The following RETREG1 variants were observed in gnomAD, a reference collection of about 807,000 sequenced individuals.
The protein encoded by RETREG1 is reticulophagy regulator 1.
Under a neutral mutation model 54.8 loss-of-function variants are expected in RETREG1, and 44 were observed. The ratio of observed to expected loss-of-function variants is 0.80; its 90% CI spans 0.63 to 1.03. RETREG1 has a LOEUF of 1.03. RETREG1 is among the 50% of genes least tolerant of loss of function. The pLI is 0.00. For synonymous variants in RETREG1, 217 were observed against 238.5 expected (o/e 0.91, Z 0.83); for missense variants, 554 against 605.1 (o/e 0.92, Z 0.89).
At chr5:16,493,894 GA>G (rs2126537948) in intron 3 of RETREG1, among the ~76,000 whole-genome samples, 1 of 152,298 alleles carries the variant, frequency 6.6e-6, no homozygotes, top group Non-Finnish European at 1.5e-5. Context: ...CTTTTATTAT[GA>G]AGGCCAATTC....
chr5:16,540,844 C>A (rs1741218912), intron 3 of RETREG1, among the ~76,000 whole-genome samples: 1 of 152,188 alleles, frequency 6.6e-6, no homozygotes, highest in African/African-American at 2.4e-5. Context: ...TTCTCCCATG[C>A]ATCTTTTCCA....
chr5:16,511,430 G>T (rs1347373815), intron 3 of RETREG1, among the ~76,000 whole-genome samples: 1 of 152,158 alleles, frequency 6.6e-6, no homozygotes, highest in Non-Finnish European at 1.5e-5. Context: ...TGTTCAGTAG[G>T]CTAGATGGAT....
chr5:16,593,350 G>A lies in RETREG1; in HGVS notation c.321-21248C>T, dbSNP rs1236706198. On this transcript the variant is annotated intron_variant, in intron 1 of 8. Transcript: ENST00000306320. This position sits in a 1 kb window ranked among gnomAD's most constrained non-coding sequence, Gnocchi z 4.9. ...CCATACTACAAGCTCTGTGAGAGAAGGGACCATCTCTCCTGTTCACCACTG... is the reference window on the plus strand; with the variant it reads ...CCATACTACAAGCTCTGTGAGAGAAAGGACCATCTCTCCTGTTCACCACTG... 6.6e-6 allele frequency among the ~76,000 whole-genome samples: 1 copy of A among 152,168 alleles called. No individual in the cohort carries two copies. Among genetic ancestry groups the A allele is most frequent in the East Asian group, 1.9e-4 (1 of 5,184 alleles).
chr5:16,524,400 A>G (rs1189129378), intron 3 of RETREG1, among the ~76,000 whole-genome samples: 1 of 152,170 alleles, frequency 6.6e-6, no homozygotes, highest in African/African-American at 2.4e-5. Context: ...GTGTGCCACT[A>G]GTCCTTACCT....
intron 3 of RETREG1, among the ~76,000 whole-genome samples, chr5:16,542,933 C>A (rs2126608425): frequency 6.6e-6 from 1 of 152,320 alleles, no homozygotes; most frequent in East Asian, 1.9e-4. Context: ...CCAAAATCAA[C>A]ATAATCAATA....
Position 16,481,020 on chromosome 5 carries a change from C to T in RETREG1, c.659G>A (p.Ser220Asn). The T allele has an allele frequency of 6.2e-7, 1 of 1,609,806 alleles. No individual in the cohort carries two copies. The highest frequency in any genetic ancestry group is 8.5e-7 in the Non-Finnish European group (1 of 1,176,570). ...LGSYIPGVILSYLLLLCAFLC... is the reference protein window; with the variant it reads ...LGSYIPGVILNYLLLLCAFLC... ...TCTACTATACTTACACAGTAGATAG[C>T]TGAGTATAACCCCAGGAATGTAACT... The change falls in exon 5 of 9, where the codon AGC (serine) becomes AAC (asparagine). Residue 220 changes from serine (S) to asparagine (N), a missense_variant. This residue lies in a region of RETREG1 where 347 missense variants were observed against 412.3 expected (regional missense o/e 0.84). Transcript: ENST00000306320.
At chr5:16,483,296 T>C (rs1264404651) in intron 4 of RETREG1, 50 bp downstream of exon 4, 2 of 1,605,772 alleles carry the variant, frequency 1.2e-6, no homozygotes, top group Admixed American at 1.7e-5. Context: ...GTTCATTTGT[T>C]TCCAAGTAAC....
rs541871396 is a variant in RETREG1, at chr5:16,545,159, G to A, written c.458+20604C>T. On this transcript the variant is annotated intron_variant, in intron 3 of 8. Coordinates refer to ENST00000306320, the MANE Select transcript of RETREG1 (RefSeq NM_001034850.3). The stretch of plus-strand genomic sequence containing the variant: ...TGTGAATCAGGGCTACTTCCAGCTC[G>A]GGTTCCCCTACAAGCTCTTCCAGCT... Among the ~76,000 whole-genome samples the A allele has an allele frequency of 5.3e-5, 8 of 152,206 alleles. No individual in the cohort carries two copies. The South Asian group carries it at 1.7e-3, about 32-fold the overall frequency.
intron 3 of RETREG1, among the ~76,000 whole-genome samples, chr5:16,537,318 G>A (rs1741101945): frequency 6.6e-6 from 1 of 152,180 alleles, no homozygotes; most frequent in Admixed American, 6.5e-5. Flanking sequence ...CAGGCGTGAG[G>A]CTCAGAGCCG....
intron 3 of RETREG1, among the ~76,000 whole-genome samples, chr5:16,548,955 CA>C (rs967427954): frequency 6.6e-6 from 1 of 152,214 alleles, no homozygotes; most frequent in African/African-American, 2.4e-5. Context: ...AGAGGCCATG[CA>C]AAATCTAGGT....
chr5:16,611,265 G>A (rs953220536), intron 1 of RETREG1, among the ~76,000 whole-genome samples: 5 of 152,172 alleles, frequency 3.3e-5, no homozygotes, highest in African/African-American at 1.2e-4. Context: ...GGGGTCGGGG[G>A]AGTGGGGAGG....
At chr5:16,608,489 A>G (rs530478200) in intron 1 of RETREG1, among the ~76,000 whole-genome samples, 1 of 152,204 alleles carries the variant, frequency 6.6e-6, no homozygotes, top group Admixed American at 6.5e-5. Flanking sequence ...AAATCTCACA[A>G]GACTTTCATC....
chr5:16,534,191 T>C lies in RETREG1; in HGVS notation c.458+31572A>G, dbSNP rs190650471. On this transcript the variant is annotated intron_variant, in intron 3 of 8. Transcript: ENST00000306320. ...TTGGCCGGGCATGGTGGCTCACACCTGTAATCCCAGCATTTTGGGAGGCCA... is the reference window on the plus strand; with the variant it reads ...TTGGCCGGGCATGGTGGCTCACACCCGTAATCCCAGCATTTTGGGAGGCCA... Among the ~76,000 whole-genome samples, 3 of 152,266 alleles carry C rather than the reference T, an allele frequency of 2.0e-5. No homozygotes were observed. The East Asian group carries it at 5.8e-4, about 29-fold the overall frequency.
At chr5:16,554,449 A>C (rs1221474260) in intron 3 of RETREG1, among the ~76,000 whole-genome samples, 1 of 151,922 alleles carries the variant, frequency 6.6e-6, no homozygotes, top group Non-Finnish European at 1.5e-5. Context: ...GCTGGTTGTC[A>C]CCTCCCCACA....
At chr5:16,531,643 GT>G (rs1740920579) in intron 3 of RETREG1, among the ~76,000 whole-genome samples, 2 of 151,960 alleles carry the variant, frequency 1.3e-5, no homozygotes, top group Non-Finnish European at 2.9e-5. Context: ...GGGTGCCTCT[GT>G]TAAGTTAAAG....
Position 16,616,988 on chromosome 5 carries a change from A to G in RETREG1, c.-17T>C, listed in dbSNP as rs1177292806. 8 of 1,361,196 alleles carry G rather than the reference A, an allele frequency of 5.9e-6. No individual in the cohort carries two copies. Among genetic ancestry groups the G allele is most frequent in the South Asian group, 1.7e-5 (1 of 57,206 alleles). 84.3% of individuals were successfully genotyped at this position (1,361,196 alleles called of 1,614,324 possible). ...GCTCGCCATCTTCAGCTGTGCTTCC[A>G]GACAGGGACGGGGCCGGGCGCGCGC... On this transcript the variant is annotated 5_prime_UTR_variant, in exon 1 of 9. Coordinates refer to ENST00000306320, the MANE Select transcript of RETREG1 (RefSeq NM_001034850.3).
intron 3 of RETREG1, among the ~76,000 whole-genome samples, chr5:16,542,935 T>C (rs1741290094): frequency 6.6e-6 from 1 of 152,198 alleles, no homozygotes; most frequent in Admixed American, 6.5e-5. Flanking sequence ...AAAATCAACA[T>C]AATCAATACC....
In RETREG1 at chr5:16,597,783, G is replaced by C. The variant is rs1018940477; in HGVS notation, c.320+18869C>G. On this transcript the variant is annotated intron_variant, in intron 1 of 8. Coordinates refer to ENST00000306320, the MANE Select transcript of RETREG1 (RefSeq NM_001034850.3). The surrounding 1 kb of genome is among the most constrained non-coding windows in gnomAD (Gnocchi z 4.3). ...AAAGAACCAATCACATCAGTGCCAG[G>C]GGTTGTTTGTAATGGCCCGTCAGTT... 6.6e-6 allele frequency among the ~76,000 whole-genome samples: 1 copy of C among 152,124 alleles called. No individual in the cohort carries two copies. The highest frequency in any genetic ancestry group is 2.1e-4 in the South Asian group (1 of 4,824).
chr5:16,517,527 G>C (rs1740398725), intron 3 of RETREG1, among the ~76,000 whole-genome samples: 1 of 152,118 alleles, frequency 6.6e-6, no homozygotes. Context: ...GCAGACACAT[G>C]GAAGCTATAC....
Sources: gnomAD v4.1 joint callset for allele counts (sites outside exome capture counted in the v4.1 genomes callset) on GRCh38, gnomAD v4.1.1 for gene constraint, gnomAD v4.1.1 regional missense constraint, Gnocchi (gnomAD v3.1) non-coding constraint, MANE v1.5 for transcripts, NCBI Gene and HGNC (gene_info 2026-07-23, HGNC 2026-07-21) for gene names.